The following NT5DC3 variants were observed in gnomAD, a reference collection of about 807,000 sequenced individuals.
The protein encoded by NT5DC3 is 5'-nucleotidase domain containing 3.
Under a neutral mutation model 67.8 loss-of-function variants are expected in NT5DC3, and 42 were observed. The ratio of observed to expected loss-of-function variants is 0.62; its 90% CI spans 0.48 to 0.80. NT5DC3 has a LOEUF of 0.80. Among genes scored for constraint, NT5DC3 ranks in the 30% least tolerant of loss-of-function variants. The probability of loss-of-function intolerance (pLI) is 0.00; values close to 1 mark genes in which losing one functional copy is unlikely to be tolerated. For missense variants in NT5DC3, 570 were observed against 696.4 expected, an observed-to-expected ratio of 0.82 and a Z score of 2.04; for synonymous variants, 237 against 255.6, an observed-to-expected ratio of 0.93 and a Z score of 0.69.
chr12:103,830,121 A>G (rs980722110), intron 1 of NT5DC3, among the ~76,000 whole-genome samples: 1 of 152,206 alleles, frequency 6.6e-6, no homozygotes, highest in Non-Finnish European at 1.5e-5. Flanking sequence ...AAAACTCTAC[A>G]TACATTTACT....
chr12:103,759,409 C>A, the NT5DC3 span: 1 of 1,288,930 alleles, frequency 7.8e-7, no homozygotes, highest in Non-Finnish European at 1.0e-6. Flanking sequence ...ACGGTGTTAA[C>A]TGCCCACTAC....
chr12:103,759,291 C>G, the NT5DC3 span: 1 of 1,611,038 alleles, frequency 6.2e-7, no homozygotes, highest in Non-Finnish European at 8.5e-7. Context: ...GTCTTCTGGG[C>G]TTCTTGGGGG....
intron 6 of NT5DC3, among the ~76,000 whole-genome samples, chr12:103,796,239 G>C (rs1030093309): frequency 6.6e-6 from 1 of 151,938 alleles, no homozygotes; most frequent in Non-Finnish European, 1.5e-5. Context: ...CACCCTGGCC[G>C]GGCGTGGTGG....
At chr12:103,781,372 G>C (rs1050051640) in intron 12 of NT5DC3, among the ~76,000 whole-genome samples, 2 of 152,234 alleles carry the variant, frequency 1.3e-5, no homozygotes, top group African/African-American at 4.8e-5. Context: ...ATGTAAAGGA[G>C]AAAGACCCCA....
intron 1 of NT5DC3, among the ~76,000 whole-genome samples, chr12:103,816,964 TTTC>T (rs1887280699): frequency 7.7e-6 from 1 of 130,420 alleles, no homozygotes; most frequent in Admixed American, 8.5e-5. Context: ...TCTTTTCTTT[TTTC>T]TTTTTTTTTT....
the NT5DC3 span, among the ~76,000 whole-genome samples, chr12:103,752,571 T>C: frequency 6.6e-6 from 1 of 152,148 alleles, no homozygotes. Context: ...TAGGGGGAAA[T>C]GAATTTTTAA....
chr12:103,760,073 T>C, the NT5DC3 span, among the ~76,000 whole-genome samples: 1 of 152,202 alleles, frequency 6.6e-6, no homozygotes, highest in Non-Finnish European at 1.5e-5. Flanking sequence ...CAGATCCATT[T>C]CGTCATCTAC....
chr12:103,769,718 T>A (rs1184994250), downstream of NT5DC3, among the ~76,000 whole-genome samples: 2 of 152,214 alleles, frequency 1.3e-5, no homozygotes, highest in African/African-American at 4.8e-5. Flanking sequence ...CAGAAAGATA[T>A]ATGGACTGAG....
intron 2 of NT5DC3, among the ~76,000 whole-genome samples, chr12:103,810,931 T>C (rs1593418287): frequency 2.0e-5 from 3 of 152,154 alleles, no homozygotes; most frequent in Admixed American, 6.5e-5. Flanking sequence ...AAATTACGCA[T>C]CTAATTAGAG....
intron 1 of NT5DC3, among the ~76,000 whole-genome samples, chr12:103,832,059 G>C (rs10861115): frequency 6.6e-6 from 1 of 151,942 alleles, no homozygotes; most frequent in African/African-American, 2.4e-5. Flanking sequence ...TTACAGGCCT[G>C]AGCCACCACG....
At chr12:103,766,056 G>C, downstream of NT5DC3, 1 of 672,026 alleles carries the variant, frequency 1.5e-6, no homozygotes, top group Non-Finnish European at 2.7e-6. Context: ...GAGTTGGGAT[G>C]ATTTGTCTTG....
rs748411177 is a variant in NT5DC3, at chr12:103,781,209, G to A, written c.1330-845C>T. Among the ~76,000 whole-genome samples, 47 of 152,290 alleles carry A rather than the reference G, an allele frequency of 3.1e-4. 1 individual carries two copies. The highest frequency in any genetic ancestry group is 1.6e-3 in the Admixed American group (24 of 15,306). ...ATCGCAGGGAACAGGCCAGCTCCCT[G>A]CAATTCATGACCACAGGGGTAACCT... On this transcript the variant is annotated intron_variant, in intron 12 of 13. Transcript: ENST00000392876.
At chr12:103,760,922 A>G in the NT5DC3 span, among the ~76,000 whole-genome samples, 1 of 152,192 alleles carries the variant, frequency 6.6e-6, no homozygotes, top group Non-Finnish European at 1.5e-5. Flanking sequence ...TCACACTGGG[A>G]CATCACTTAA....
Position 103,776,476 on chromosome 12 carries a change from A to C in NT5DC3, c.*1353T>G. ...AGGCTGAGGCAGGAGAATCGCTTGA[A>C]CCCGGGAGGCAGAGGTTGCAGTGAG... On this transcript the variant is annotated 3_prime_UTR_variant, in exon 14 of 14. Transcript: ENST00000392876. The C allele has an allele frequency of 6.6e-6, 1 of 152,070 alleles. No homozygotes were observed. Among genetic ancestry groups the C allele is most frequent in the Non-Finnish European group, 1.5e-5 (1 of 68,102 alleles). The allele number at this position is 152,070 out of a possible 1,614,324, so 9.4% of individuals were successfully genotyped here.
chr12:103,779,453 G>T, intron 13 of NT5DC3, among the ~76,000 whole-genome samples: 1 of 152,220 alleles, frequency 6.6e-6, no homozygotes, highest in East Asian at 1.9e-4. Flanking sequence ...GTTGGTAGCA[G>T]TTAGAATAAG....
In NT5DC3 at chr12:103,772,352, A is replaced by G. The variant is rs1246967340; in HGVS notation, c.*5477T>C. 6.6e-6 allele frequency: 1 copy of G among 152,574 alleles called. No homozygotes were observed. Among genetic ancestry groups the G allele is most frequent in the Admixed American group, 6.5e-5 (1 of 15,286 alleles). 9.5% of individuals were successfully genotyped at this position (152,574 alleles called of 1,614,324 possible). On this transcript the variant is annotated 3_prime_UTR_variant, in exon 14 of 14. Transcript: ENST00000392876. ...TTTGGCAATAAGTTCAGAGTCACAT[A>G]ACACATAAAATCAACATTTAAAATA...
chr12:103,752,455 T>C, the NT5DC3 span, among the ~76,000 whole-genome samples: 1 of 152,232 alleles, frequency 6.6e-6, no homozygotes, highest in Non-Finnish European at 1.5e-5. Context: ...AACTTGACAA[T>C]ATAAAAATGT....
chr12:103,757,077 T>C, the NT5DC3 span, among the ~76,000 whole-genome samples: 1 of 148,616 alleles, frequency 6.7e-6, no homozygotes, highest in African/African-American at 2.5e-5. Flanking sequence ...AAAAATTATA[T>C]ATTTATATAT....
chr12:103,816,967 C>CTTTTTTTTTTTTTTTTTTTT (rs376622215), intron 1 of NT5DC3, among the ~76,000 whole-genome samples: 1 of 118,954 alleles, frequency 8.4e-6, no homozygotes, highest in Non-Finnish European at 1.7e-5. Context: ...TTTCTTTTTT[C>CTTTTTTTTTTTTTTTTTTTT]TTTTTTTTTT....
Sources: gnomAD v4.1 joint callset for allele counts (sites outside exome capture counted in the v4.1 genomes callset) on GRCh38, gnomAD v4.1.1 for gene constraint, MANE v1.5 for transcripts, NCBI Gene and HGNC (gene_info 2026-07-23, HGNC 2026-07-21) for gene names.